Variants in ARMC9 observed in about 807,000 individuals in gnomAD.
ARMC9 encodes armadillo repeat containing 9, also known as lisH domain-containing protein ARMC9.
In ARMC9, 94 loss-of-function variants were observed where a neutral mutation model predicts 107.0. That is an observed-to-expected ratio of 0.88 (90% CI 0.74 to 1.04). The LOEUF (loss-of-function observed/expected upper bound fraction) is 1.04. Among genes scored for constraint, ARMC9 ranks in the 50% least tolerant of loss-of-function variants. The probability of loss-of-function intolerance (pLI) is 0.00; values close to 1 mark genes in which losing one functional copy is unlikely to be tolerated. For missense variants in ARMC9, 942 were observed against 1,030.1 expected (o/e 0.91, Z 1.17); for synonymous variants, 380 against 396.9 (o/e 0.96, Z 0.51).
chr2:231,270,126 C>G (rs2039196749), intron 12 of ARMC9, among the ~76,000 whole-genome samples: 1 of 152,218 alleles, frequency 6.6e-6, no homozygotes, highest in African/African-American at 2.4e-5. Flanking sequence ...CTTCTAATCT[C>G]AGGCCTAGAG....
At chr2:231,308,737 C>T (rs780736144) in intron 19 of ARMC9, among the ~76,000 whole-genome samples, 4 of 152,218 alleles carry the variant, frequency 2.6e-5, no homozygotes, top group Non-Finnish European at 4.4e-5. Flanking sequence ...GCATTCCATA[C>T]GCAGAGACAT....
At chr2:231,332,149 A>G (rs546864915) in intron 20 of ARMC9, among the ~76,000 whole-genome samples, 1 of 152,314 alleles carries the variant, frequency 6.6e-6, no homozygotes, top group Non-Finnish European at 1.5e-5. Context: ...GGGCCTTTGG[A>G]ACATCAGAAG....
intron 21 of ARMC9, among the ~76,000 whole-genome samples, chr2:231,353,984 C>CAT (rs2045222904): frequency 8.8e-6 from 1 of 113,186 alleles, no homozygotes; most frequent in African/African-American, 7.0e-5. Flanking sequence ...TATATATACA[C>CAT]ACACACACAC....
At chr2:231,332,645 A>G (rs2125559629) in intron 20 of ARMC9, among the ~76,000 whole-genome samples, 1 of 152,280 alleles carries the variant, frequency 6.6e-6, no homozygotes, top group Admixed American at 6.5e-5. Context: ...AGGAGGAAGC[A>G]GCCACTCCTC....
At chr2:231,335,331 G>A (rs987572951) in intron 20 of ARMC9, among the ~76,000 whole-genome samples, 29 of 152,300 alleles carry the variant, frequency 1.9e-4, no homozygotes, top group African/African-American at 3.8e-4. Context: ...CATGGTGCAC[G>A]CCAGTAATTT....
At chr2:231,318,584 A>G (rs1306840265) in intron 19 of ARMC9, among the ~76,000 whole-genome samples, 1 of 152,110 alleles carries the variant, frequency 6.6e-6, no homozygotes, top group Non-Finnish European at 1.5e-5. Context: ...TCACACCTCC[A>G]GGCCCTGGGG....
chr2:231,335,394 G>A (rs553785695), intron 20 of ARMC9, among the ~76,000 whole-genome samples: 9 of 152,306 alleles, frequency 5.9e-5, no homozygotes, highest in South Asian at 2.1e-4. Flanking sequence ...TGGGGCGTCC[G>A]CCAGAGTGTT....
chr2:231,273,683 G>A (rs970503601), intron 14 of ARMC9, among the ~76,000 whole-genome samples: 2 of 152,102 alleles, frequency 1.3e-5, no homozygotes, highest in African/African-American at 4.8e-5. Context: ...CCAAAGTGCT[G>A]GAATTACAGG....
rs2125326380 is a variant in ARMC9 at position 231,218,119 on chromosome 2, A to G, written c.504+1326A>G. On this transcript the variant is annotated intron_variant, in intron 5 of 24. Coordinates refer to ENST00000611582, the MANE Select transcript of ARMC9 (RefSeq NM_001352754.2). ...CATTCAGTTGTAATTCTGTAAAACA[A>G]CTTTCATCCCTCCTGAATAGTAACT... Among the ~76,000 whole-genome samples the G allele has an allele frequency of 1.3e-5, 2 of 152,342 alleles. 1 individual carries two copies. The highest frequency in any genetic ancestry group is 6.8e-3 in the Middle Eastern group (2 of 294).
intron 21 of ARMC9, among the ~76,000 whole-genome samples, chr2:231,348,545 C>T (rs376143688): frequency 6.6e-6 from 1 of 152,134 alleles, no homozygotes; most frequent in Admixed American, 6.5e-5. Flanking sequence ...TTGAGTAATA[C>T]CTGACAAGCA....
intron 19 of ARMC9, among the ~76,000 whole-genome samples, chr2:231,311,973 T>C (rs1190342062): frequency 6.6e-6 from 1 of 152,124 alleles, no homozygotes; most frequent in Non-Finnish European, 1.5e-5. Flanking sequence ...TTGAAATTTA[T>C]ATAAATGGAG....
At chr2:231,217,312 G>A (rs931111848) in intron 5 of ARMC9, among the ~76,000 whole-genome samples, 2 of 152,174 alleles carry the variant, frequency 1.3e-5, no homozygotes, top group Admixed American at 6.5e-5. Context: ...GGCTGAGCAC[G>A]GTGGCTTACA....
intron 19 of ARMC9, among the ~76,000 whole-genome samples, chr2:231,326,989 CT>C (rs1211367348): frequency 6.6e-6 from 1 of 152,170 alleles, no homozygotes; most frequent in Non-Finnish European, 1.5e-5. Context: ...CCCCTGCACC[CT>C]TAGACCACTC....
At chr2:231,351,623 A>C (rs1218495957) in intron 21 of ARMC9, among the ~76,000 whole-genome samples, 2 of 152,100 alleles carry the variant, frequency 1.3e-5, no homozygotes, top group African/African-American at 4.8e-5. Flanking sequence ...ATGTGTCTAC[A>C]TATATATATG....
intron 11 of ARMC9, among the ~76,000 whole-genome samples, 193 bp downstream of exon 11, chr2:231,259,295 T>C (rs556762291): frequency 9.8e-5 from 15 of 152,306 alleles, no homozygotes; most frequent in African/African-American, 3.6e-4. Context: ...TCCTATATTA[T>C]GGCAATTGTG....
intron 19 of ARMC9, among the ~76,000 whole-genome samples, chr2:231,316,657 T>TC (rs2042698989): frequency 7.2e-6 from 1 of 138,478 alleles, no homozygotes; most frequent in Admixed American, 7.2e-5. Context: ...AGAGCAAGAC[T>TC]CCATCTCAAA....
Position 231,214,885 on chromosome 2 carries a change from T to A in ARMC9, c.232T>A (p.Trp78Arg). Residue 78 changes from tryptophan to arginine, a missense_variant, in exon 4 of 25, where the codon TGG becomes AGG. Trp to Arg is a moderately radical substitution (Grantham distance 101). Coordinates refer to ENST00000611582, the MANE Select transcript of ARMC9 (RefSeq NM_001352754.2). Reference sequence around the variant, plus strand: ...AGACCAGAAGGTGTTCTTCGATCTGTGGGAGGAGCACATTTCAAGTTCCAT... The same window carrying A: ...AGACCAGAAGGTGTTCTTCGATCTGAGGGAGGAGCACATTTCAAGTTCCAT... ...NGDQKVFFDLWEEHISSSIRD... is the reference protein window; with the variant it reads ...NGDQKVFFDLREEHISSSIRD... 2 of 1,614,176 alleles carry A rather than the reference T, an allele frequency of 1.2e-6. No homozygotes were observed. The highest frequency in any genetic ancestry group is 2.7e-5 in the African/African-American group (2 of 75,038).
At chr2:231,328,490 C>T (rs1056074966) in intron 19 of ARMC9, among the ~76,000 whole-genome samples, 47 of 152,086 alleles carry the variant, frequency 3.1e-4, no homozygotes, top group African/African-American at 1.1e-3. Flanking sequence ...TGATTCATTT[C>T]GAGTTGATTT....
chr2:231,277,434 G>A lies in ARMC9; in HGVS notation c.1474+659G>A, dbSNP rs1286677030. Reference sequence around the variant, plus strand: ...GCTCCCTGGGTAAACAGCTGGCTCAGGAGGACTTGTTGGAGCATCTTCCCC... The same window carrying A: ...GCTCCCTGGGTAAACAGCTGGCTCAAGAGGACTTGTTGGAGCATCTTCCCC... On this transcript the variant is annotated intron_variant, in intron 15 of 24. Transcript: ENST00000611582. 2.0e-5 allele frequency among the ~76,000 whole-genome samples: 3 copies of A among 152,120 alleles called. No individual in the cohort carries two copies. The East Asian group carries it at 5.8e-4, about 29-fold the overall frequency.
Sources: gnomAD v4.1 joint callset for allele counts (sites outside exome capture counted in the v4.1 genomes callset) on GRCh38, gnomAD v4.1.1 for gene constraint, MANE v1.5 for transcripts, NCBI Gene and HGNC (gene_info 2026-07-23, HGNC 2026-07-21) for gene names.